The following CARF variants were observed in gnomAD, a reference collection of about 807,000 sequenced individuals.
CARF encodes calcium-responsive transcription factor.
A neutral mutation model predicts 82.0 loss-of-function variants in CARF; 57 were observed. That is an observed-to-expected ratio of 0.70 (90% CI 0.56 to 0.87). The LOEUF (loss-of-function observed/expected upper bound fraction) is 0.87. Ranked by LOEUF, CARF falls within the 40% of genes least tolerant of loss-of-function variation. CARF has a pLI of 0.00. For missense variants in CARF, 771 were observed against 855.8 expected (o/e 0.90, Z 1.24); for synonymous variants, 268 against 290.1 (o/e 0.92, Z 0.77).
intron 10 of CARF, among the ~76,000 whole-genome samples, chr2:202,968,119 C>T (rs150556526): frequency 4.1e-4 from 62 of 152,202 alleles, no homozygotes; most frequent in African/African-American, 1.4e-3. Context: ...CCTTAGCATT[C>T]TTGGCCGAGC....
At chr2:202,966,103 A>C (rs536003783) in intron 9 of CARF, among the ~76,000 whole-genome samples, 6 of 152,362 alleles carry the variant, frequency 3.9e-5, no homozygotes, top group African/African-American at 1.4e-4. Context: ...CAATTCAAGC[A>C]AGAGTAAGAG....
chr2:202,921,617 T>C (rs1305416264), intron 2 of CARF, among the ~76,000 whole-genome samples: 1 of 152,154 alleles, frequency 6.6e-6, no homozygotes, highest in Non-Finnish European at 1.5e-5. Flanking sequence ...CTCCAGCACA[T>C]AGAACAGTCA....
rs1382634239 is a variant in CARF at position 202,986,903 on chromosome 2, T to TACATATATATATATATATAC, written c.*3280_*3281insCATATATATATATATATACA. 11 of 84,602 alleles carry TACATATATATATATATATAC rather than the reference T, an allele frequency of 1.3e-4. No individual in the cohort carries two copies. Among genetic ancestry groups the TACATATATATATATATATAC allele is most frequent in the South Asian group, 1.2e-3 (2 of 1,628 alleles). 5.2% of individuals were successfully genotyped at this position (84,602 alleles called of 1,614,324 possible). On this transcript the variant is annotated 3_prime_UTR_variant, in exon 17 of 17. Transcript: ENST00000438828. The stretch of plus-strand genomic sequence containing the variant: ...ATATATATATATATATATATATATA[T>TACATATATATATATATATAC]ATATAGCAACTTGATGTATAGTGTC...
rs1054695475 is a variant in CARF at position 202,912,527 on chromosome 2, T to C, written c.-905T>C. 2 of 150,256 alleles carry C rather than the reference T, an allele frequency of 1.3e-5. No homozygotes were observed. The highest frequency in any genetic ancestry group is 4.9e-5 in the African/African-American group (2 of 40,942). 9.3% of individuals were successfully genotyped at this position (150,256 alleles called of 1,614,324 possible). ...CCGTCACCTCCTGACCCGCCGGAGC[T>C]CCGAGCAACTGCCGGCCTCCGCCCC... On this transcript the variant is annotated 5_prime_UTR_variant, in exon 1 of 17. Coordinates refer to ENST00000438828, the MANE Select transcript of CARF (RefSeq NM_024744.17).
At chr2:202,978,320 G>A (rs1004770241) in intron 14 of CARF, among the ~76,000 whole-genome samples, 1 of 152,108 alleles carries the variant, frequency 6.6e-6, no homozygotes, top group Non-Finnish European at 1.5e-5. Flanking sequence ...AGCCATATTG[G>A]GGTGATTGAA....
intron 6 of CARF, among the ~76,000 whole-genome samples, chr2:202,953,025 T>C (rs940564710): frequency 6.6e-6 from 1 of 151,188 alleles, no homozygotes; most frequent in South Asian, 2.1e-4. Flanking sequence ...TATTTATATC[T>C]TTTTTTTTGG....
At chr2:202,926,406 C>T (rs775353827) in intron 3 of CARF, among the ~76,000 whole-genome samples, 3 of 152,176 alleles carry the variant, frequency 2.0e-5, no homozygotes, top group Admixed American at 6.5e-5. Context: ...AAGCAATTGG[C>T]CAGATAATGT....
intron 9 of CARF, among the ~76,000 whole-genome samples, chr2:202,964,859 TTATA>T (rs150289443): frequency 1.4e-5 from 2 of 141,548 alleles, no homozygotes; most frequent in Non-Finnish European, 3.1e-5. Flanking sequence ...TAAGGACTCC[TTATA>T]TATATATATA....
intron 10 of CARF, among the ~76,000 whole-genome samples, chr2:202,969,495 A>C (rs561994522): frequency 6.6e-6 from 1 of 152,228 alleles, no homozygotes; most frequent in East Asian, 1.9e-4. Context: ...GAATCACTGG[A>C]ATCTGGGAGG....
At chr2:202,933,552 T>A (rs994418045) in intron 3 of CARF, among the ~76,000 whole-genome samples, 2 of 152,194 alleles carry the variant, frequency 1.3e-5, no homozygotes, top group African/African-American at 4.8e-5. Flanking sequence ...GAGTTCTTCC[T>A]GGTTCCTAGC....
intron 12 of CARF, among the ~76,000 whole-genome samples, chr2:202,972,856 G>A (rs556797011): frequency 1.5e-4 from 23 of 152,206 alleles, no homozygotes; most frequent in African/African-American, 4.3e-4. Context: ...ATAGGTTCTC[G>A]AAAACTGCTA....
rs753268367 is a variant in CARF at position 202,942,759 on chromosome 2, C to A, written c.98C>A (p.Ser33Tyr). The stretch of plus-strand genomic sequence containing the variant: ...CAAAAGCATCTAATCTGTATGGACT[C>A]CAGGGATTCTTCCTTTGGACAAAAT... The part of the protein sequence containing the change: ...QVFEHLICMD[S>Y]RDSSFGQNDS... The change falls in exon 5 of 17, where the codon TCC becomes TAC. Residue 33 changes from serine (S) to tyrosine (Y), a missense_variant. Coordinates refer to ENST00000438828, the MANE Select transcript of CARF (RefSeq NM_024744.17). 18 of 1,613,510 alleles carry A rather than the reference C, an allele frequency of 1.1e-5. No homozygotes were observed. Among genetic ancestry groups the A allele is most frequent in the Non-Finnish European group, 1.4e-5 (17 of 1,179,750 alleles).
At chr2:202,974,881 T>C (rs1408524760) in intron 13 of CARF, among the ~76,000 whole-genome samples, 7 of 151,732 alleles carry the variant, frequency 4.6e-5, no homozygotes, top group Non-Finnish European at 7.4e-5. Flanking sequence ...CCTGGGAGAC[T>C]CAGCGAGACT....
intron 3 of CARF, among the ~76,000 whole-genome samples, chr2:202,927,952 C>A (rs1692174755): frequency 6.6e-6 from 1 of 152,084 alleles, no homozygotes; most frequent in African/African-American, 2.4e-5. Flanking sequence ...GTGTACACCA[C>A]CATGCCCAGT....
chr2:202,931,832 C>G (rs1022605710), intron 3 of CARF, among the ~76,000 whole-genome samples: 2 of 151,588 alleles, frequency 1.3e-5, no homozygotes, highest in African/African-American at 4.8e-5. Flanking sequence ...GATGTCAGGT[C>G]TGAATAGACT....
At chr2:202,921,352 G>A (rs1690756993) in intron 2 of CARF, among the ~76,000 whole-genome samples, 2 of 152,126 alleles carry the variant, frequency 1.3e-5, no homozygotes, top group South Asian at 4.1e-4. Flanking sequence ...AAACACCTCA[G>A]TAAATTGAAG....
intron 15 of CARF, 48 bp from the exon 16 acceptor site, chr2:202,982,024 A>G (rs755215631): frequency 6.4e-7 from 1 of 1,572,874 alleles, no homozygotes. Flanking sequence ...TGAGAATATC[A>G]TACATAGGAA....
At chr2:202,927,800 C>CT (rs766636748) in intron 3 of CARF, among the ~76,000 whole-genome samples, 1,601 of 137,986 alleles carry the variant, frequency 0.012, 8 homozygotes, top group Non-Finnish European at 0.015. Context: ...ATCTAGCTGT[C>CT]TTTTTTTTTT....
chr2:202,972,249 G>T (rs2059818209), intron 12 of CARF, among the ~76,000 whole-genome samples: 1 of 151,924 alleles, frequency 6.6e-6, no homozygotes, highest in Non-Finnish European at 1.5e-5. Context: ...TATTTTGTGT[G>T]TGCCAGGTAC....
Sources: allele counts gnomAD v4.1 joint callset (sites outside exome capture counted in the v4.1 genomes callset), GRCh38; gene constraint gnomAD v4.1.1; transcripts MANE v1.5; gene names NCBI Gene and HGNC (gene_info 2026-07-23, HGNC 2026-07-21).